Variants in GPR180 observed in about 807,000 individuals in gnomAD.
GPR180 encodes the protein integral membrane protein GPR180.
GPR180 carries 53 observed loss-of-function variants against 52.6 expected under a neutral mutation model. The observed-to-expected ratio is 1.01, with a 90% CI of 0.81 to 1.27. The LOEUF is 1.27. Among genes scored for constraint, GPR180 ranks in the 50% most tolerant of loss-of-function variants. The probability of loss-of-function intolerance (pLI) is 0.00; values close to 1 mark genes in which losing one functional copy is unlikely to be tolerated. For synonymous variants in GPR180, 200 were observed against 193.1 expected, an observed-to-expected ratio of 1.04 and a Z score of -0.30; for missense variants, 533 against 527.0, an observed-to-expected ratio of 1.01 and a Z score of -0.11.
intron 7 of GPR180, among the ~76,000 whole-genome samples, chr13:94,623,997 CAGTT>C (rs1192092875): frequency 6.6e-5 from 10 of 152,090 alleles, no homozygotes; most frequent in African/African-American, 9.7e-5. Context: ...TGTTTTATAA[CAGTT>C]AGGAGCTATC....
intron 2 of GPR180, 68 bp downstream of exon 2, chr13:94,605,617 C>A: frequency 2.4e-6 from 3 of 1,272,110 alleles, no homozygotes; most frequent in Non-Finnish European, 2.2e-6. Flanking sequence ...AAATATAGTA[C>A]CATATGTACA....
At chr13:94,614,484 A>G (rs1232607614) in intron 3 of GPR180, among the ~76,000 whole-genome samples, 1 of 152,134 alleles carries the variant, frequency 6.6e-6, no homozygotes, top group African/African-American at 2.4e-5. Flanking sequence ...GTAAACTTTT[A>G]TCCCAGGCTA....
intron 8 of GPR180, among the ~76,000 whole-genome samples, chr13:94,626,673 G>A (rs1403392355): frequency 2.6e-5 from 4 of 152,130 alleles, no homozygotes; most frequent in African/African-American, 4.8e-5. Flanking sequence ...TCAGGTAGGA[G>A]CGTGCTTTAT....
rs1013817676 is a variant in GPR180, at chr13:94,630,652, A to G, written c.*3481A>G. On this transcript the variant is annotated 3_prime_UTR_variant, in exon 9 of 9. Coordinates refer to ENST00000376958, the MANE Select transcript of GPR180 (RefSeq NM_180989.6). ...ATCCCAGCCTCATTGTCCTTCATCA[A>G]AAAAAGATCTAGCTTATATCACACC... 1.3e-5 allele frequency: 2 copies of G among 152,196 alleles called. No homozygotes were observed. The highest frequency in any genetic ancestry group is 4.8e-5 in the African/African-American group (2 of 41,434). 9.4% of individuals were successfully genotyped at this position (152,196 alleles called of 1,614,324 possible).
chr13:94,610,887 G>A (rs779506607), intron 2 of GPR180, among the ~76,000 whole-genome samples: 2 of 152,196 alleles, frequency 1.3e-5, no homozygotes, highest in African/African-American at 4.8e-5. Flanking sequence ...GAGGAAAGGA[G>A]ATTACCCTGG....
At chr13:94,624,440 G>A (rs958347552) in intron 7 of GPR180, among the ~76,000 whole-genome samples, 2 of 152,206 alleles carry the variant, frequency 1.3e-5, no homozygotes, top group Admixed American at 1.3e-4. Flanking sequence ...AGGCTTCTGA[G>A]CGCAAGACAA....
chr13:94,610,522 T>A (rs1381758668), intron 2 of GPR180, among the ~76,000 whole-genome samples: 1 of 152,158 alleles, frequency 6.6e-6, no homozygotes, highest in Non-Finnish European at 1.5e-5. Context: ...AGAAACAAAT[T>A]TAGAGAGTTT....
Position 94,627,371 on chromosome 13 carries a change from C to A in GPR180, c.*200C>A. On this transcript the variant is annotated 3_prime_UTR_variant, in exon 9 of 9. Coordinates refer to ENST00000376958, the MANE Select transcript of GPR180 (RefSeq NM_180989.6). ...TGAAATGTTTTGAAATATACTTAAA[C>A]AACAAACTTTGAAGAAAGTGTTGTT... The A allele has an allele frequency of 2.1e-6, 1 of 471,470 alleles. No individual in the cohort carries two copies. The highest frequency in any genetic ancestry group is 3.6e-5 in the East Asian group (1 of 27,660). The allele number at this position is 471,470 out of a possible 1,614,324, so 29.2% of individuals were successfully genotyped here.
chr13:94,620,963 A>G (rs1889843753), intron 5 of GPR180, 115 bp from the exon 6 acceptor site: 4 of 907,946 alleles, frequency 4.4e-6, no homozygotes, highest in Non-Finnish European at 6.5e-6. Flanking sequence ...CTTCTCTTTG[A>G]AAATGGCTTT....
rs555412491 is a variant in GPR180 at position 94,630,917 on chromosome 13, T to C, written c.*3746T>C. ...GCCATAAGAAATGTTTGATACAAGATATAGAAGGCAGAAGTAAAGTAGCAG... is the reference window on the plus strand; with the variant it reads ...GCCATAAGAAATGTTTGATACAAGACATAGAAGGCAGAAGTAAAGTAGCAG... On this transcript the variant is annotated 3_prime_UTR_variant, in exon 9 of 9. Transcript: ENST00000376958. The C allele has an allele frequency of 2.6e-5, 4 of 152,382 alleles. 1 individual carries two copies. Among genetic ancestry groups the C allele is most frequent in the Middle Eastern group, 6.8e-3 (2 of 294 alleles). The allele number at this position is 152,382 out of a possible 1,614,324, so 9.4% of individuals were successfully genotyped here.
intron 4 of GPR180, 49 bp from the exon 5 acceptor site, chr13:94,619,419 C>T: frequency 6.2e-7 from 1 of 1,600,546 alleles, no homozygotes; most frequent in Non-Finnish European, 8.5e-7. Context: ...TGATTATAAA[C>T]AATTTTTTTC....
chr13:94,623,276 G>A lies in GPR180; in HGVS notation c.1062G>A (p.Arg354=). The A allele has an allele frequency of 6.2e-7, 1 of 1,612,802 alleles. No individual in the cohort carries two copies. The highest frequency in any genetic ancestry group is 1.1e-5 in the South Asian group (1 of 90,974). The change falls in exon 7 of 9, where the codon AGG becomes AGA. Residue 354 remains arginine (R), a synonymous_variant. Coordinates refer to ENST00000376958, the MANE Select transcript of GPR180 (RefSeq NM_180989.6). ...IITVERSTLK[R]EFYITFAKGC... ...CAGTGGAGAGAAGTACACTCAAAAG[G>A]GAGTTCTACATCACATTTGCCAAAG...
intron 2 of GPR180, among the ~76,000 whole-genome samples, chr13:94,606,237 A>C (rs1889629248): frequency 1.3e-5 from 2 of 152,240 alleles, no homozygotes; most frequent in Non-Finnish European, 1.5e-5. Context: ...CAGAGGTTGC[A>C]GTGAGCCAAG....
At chr13:94,606,685 A>C (rs973315442) in intron 2 of GPR180, among the ~76,000 whole-genome samples, 1 of 152,182 alleles carries the variant, frequency 6.6e-6, no homozygotes, top group African/African-American at 2.4e-5. Context: ...TCATTTCTAA[A>C]CATCTGGCTT....
chr13:94,628,094 C>T lies in GPR180; in HGVS notation c.*923C>T, dbSNP rs1423412258. The T allele has an allele frequency of 6.6e-6, 1 of 152,398 alleles. No individual in the cohort carries two copies. The highest frequency in any genetic ancestry group is 2.4e-5 in the African/African-American group (1 of 41,396). 9.4% of individuals were successfully genotyped at this position (152,398 alleles called of 1,614,324 possible). A position where few individuals can be genotyped will look rare whatever the true frequency, so the allele number is the denominator to read the frequency against. ...CATCAACTACCCATGAATTCCTGCCCAAGGATACTTAATCAGGATTAAATT... is the reference window on the plus strand; with the variant it reads ...CATCAACTACCCATGAATTCCTGCCTAAGGATACTTAATCAGGATTAAATT... On this transcript the variant is annotated 3_prime_UTR_variant, in exon 9 of 9. Transcript: ENST00000376958.
At chr13:94,613,253 T>TG (rs1889734986) in intron 3 of GPR180, among the ~76,000 whole-genome samples, 1 of 151,848 alleles carries the variant, frequency 6.6e-6, no homozygotes, top group Non-Finnish European at 1.5e-5. Context: ...TAGAGTGGGG[T>TG]GGGTGGAGGT....
chr13:94,629,634 C>T lies in GPR180; in HGVS notation c.*2463C>T, dbSNP rs1309096309. 6.6e-6 allele frequency: 1 copy of T among 152,158 alleles called. No individual in the cohort carries two copies. Among genetic ancestry groups the T allele is most frequent in the Non-Finnish European group, 1.5e-5 (1 of 68,018 alleles). 9.4% of individuals were successfully genotyped at this position (152,158 alleles called of 1,614,324 possible). ...TGTTTTAGTGAGAATGAATTGCTAT[C>T]CATCATAATTTTTGCTGTTGATTTG... On this transcript the variant is annotated 3_prime_UTR_variant, in exon 9 of 9. Coordinates refer to ENST00000376958, the MANE Select transcript of GPR180 (RefSeq NM_180989.6).
intron 1 of GPR180, among the ~76,000 whole-genome samples, chr13:94,603,672 GATAT>G (rs1889589829): frequency 2.0e-5 from 3 of 151,938 alleles, no homozygotes; most frequent in South Asian, 4.1e-4. Context: ...CACATTCTTT[GATAT>G]ATATACTGTA....
intron 5 of GPR180, among the ~76,000 whole-genome samples, chr13:94,620,816 G>A (rs1468666933): frequency 5.3e-5 from 8 of 151,978 alleles, no homozygotes; most frequent in Non-Finnish European, 1.5e-5. Context: ...ATGGACATAT[G>A]GTATGGGCAT....
Sources: allele counts gnomAD v4.1 joint callset (sites outside exome capture counted in the v4.1 genomes callset), GRCh38; gene constraint gnomAD v4.1.1; transcripts MANE v1.5; gene names NCBI Gene and HGNC (gene_info 2026-07-23, HGNC 2026-07-21).